PLCG2: variants seen among roughly 807,000 people sequenced by gnomAD.
PLCG2 encodes phospholipase C gamma 2, also known as 1-phosphatidylinositol 4,5-bisphosphate phosphodiesterase gamma-2.
Under a neutral mutation model 175.6 loss-of-function variants are expected in PLCG2, and 69 were observed. The ratio of observed to expected loss-of-function variants is 0.39; its 90% confidence interval spans 0.32 to 0.48. The LOEUF (loss-of-function observed/expected upper bound fraction) is 0.48. Among genes scored for constraint, PLCG2 ranks in the 20% least tolerant of loss-of-function variants. The probability of loss-of-function intolerance (pLI) is 0.91; values close to 1 mark genes in which losing one functional copy is unlikely to be tolerated. For synonymous variants in PLCG2, 827 were observed against 624.0 expected (o/e 1.33, Z -4.85); for missense variants, 1,798 against 1,650.9 (o/e 1.09, Z -1.54).
Position 81,753,342 on chromosome 16 carries a change from GTTTT to G in PLCG2, c.-144-2507_-144-2504del, listed in dbSNP as rs34438350. On this transcript the variant is annotated intron_variant, in intron 1 of 5. Transcript: ENST00000565054. ...CAGCATTGTGTTAAAGTCCTGGCAG[GTTTT>G]TTTTTTTTTTTTTTTTTTTTGTATT... Among the ~76,000 whole-genome samples, 19 of 91,124 alleles carry G rather than the reference GTTTT, an allele frequency of 2.1e-4. No homozygotes were observed. The East Asian group carries it at 2.8e-3, about 13-fold the overall frequency. The allele number at this position is 91,124 out of a possible 152,430, so 59.8% of individuals were successfully genotyped here.
Position 81,815,119 on chromosome 16 carries a change from TG to T in PLCG2, c.193+28941del, listed in dbSNP as rs543503558. Among the ~76,000 whole-genome samples, 5 of 152,272 alleles carry T rather than the reference TG, an allele frequency of 3.3e-5. No homozygotes were observed. The South Asian group carries it at 8.3e-4, about 25-fold the overall frequency. On this transcript the variant is annotated intron_variant, in intron 2 of 32. Transcript: ENST00000564138. ...CCTGAGTTATGGAAGGAATGATAAT[TG>T]GGGAATTTAGGCTTAAAATGAAGCA...
intron 1 of PLCG2, among the ~76,000 whole-genome samples, chr16:81,755,089 A>G (rs970220472): frequency 5.9e-5 from 9 of 152,276 alleles, no homozygotes; most frequent in African/African-American, 1.4e-4. Context: ...CAGATGAGAT[A>G]AAAGATGAGT....
intron 2 of PLCG2, among the ~76,000 whole-genome samples, chr16:81,821,941 A>T (rs1904819326): frequency 1.3e-5 from 2 of 151,610 alleles, no homozygotes; most frequent in Admixed American, 1.3e-4. Context: ...CAGATCCACC[A>T]TTTGCAGGCT....
chr16:81,842,562 GAA>G (rs1424901826), intron 2 of PLCG2, among the ~76,000 whole-genome samples: 1 of 152,140 alleles, frequency 6.6e-6, no homozygotes, highest in African/African-American at 2.4e-5. Context: ...TTGCTCGCTT[GAA>G]TATGTCTTGA....
chr16:81,864,994 G>C (rs550189118), intron 5 of PLCG2, among the ~76,000 whole-genome samples: 2 of 152,258 alleles, frequency 1.3e-5, no homozygotes, highest in African/African-American at 4.8e-5. Context: ...CATGATCTGA[G>C]ACGCAGGTTT....
chr16:81,926,006 C>A (rs76527541), intron 22 of PLCG2, among the ~76,000 whole-genome samples: 4,295 of 152,116 alleles, frequency 0.028, 73 homozygotes, highest in Non-Finnish European at 0.043. Context: ...GCCAGGGGAC[C>A]ACAGAGGAAG....
intron 22 of PLCG2, among the ~76,000 whole-genome samples, chr16:81,925,904 A>AAT (rs1159601951): frequency 2.5e-4 from 38 of 152,032 alleles, no homozygotes; most frequent in African/African-American, 8.5e-4. Context: ...AAAAAAAAAA[A>AAT]TCCAGAAGGA....
rs184218091 is a variant in PLCG2 at position 81,910,801 on chromosome 16, G to T, written c.1934+81G>T. Reference sequence around the variant, plus strand: ...GCAGAGAAGCTGGCCTGGTGGTTCAGCCGGGCCAGTCCCCCAGGACACCCT... The same window carrying T: ...GCAGAGAAGCTGGCCTGGTGGTTCATCCGGGCCAGTCCCCCAGGACACCCT... On this transcript the variant is annotated intron_variant, in intron 18 of 32. Coordinates refer to ENST00000564138, the MANE Select transcript of PLCG2 (RefSeq NM_002661.5). The T allele has an allele frequency of 3.2e-4, 423 of 1,333,718 alleles. No homozygotes were observed. The African/African-American group carries it at 5.3e-3, about 17-fold the overall frequency. 82.6% of individuals were successfully genotyped at this position (1,333,718 alleles called of 1,614,324 possible). A position where few individuals can be genotyped will look rare whatever the true frequency, so the allele number is the denominator to read the frequency against.
intron 1 of PLCG2, among the ~76,000 whole-genome samples, chr16:81,780,125 T>C (rs909699338): frequency 2.6e-5 from 4 of 152,054 alleles, no homozygotes; most frequent in Non-Finnish European, 5.9e-5. Context: ...TACCCTAATC[T>C]TGAACTAGGG....
At chr16:81,843,485 T>A (rs977383304) in intron 2 of PLCG2, among the ~76,000 whole-genome samples, 2 of 152,170 alleles carry the variant, frequency 1.3e-5, no homozygotes, top group African/African-American at 4.8e-5. Flanking sequence ...ACCAACTGAT[T>A]GAAACACCCC....
At chr16:81,786,460 G>T (rs1020296647) in intron 2 of PLCG2, among the ~76,000 whole-genome samples, 1 of 152,204 alleles carries the variant, frequency 6.6e-6, no homozygotes, top group Admixed American at 6.5e-5. Flanking sequence ...TGGTGGTTCT[G>T]TGCCCTGTCT....
chr16:81,869,825 C>G (rs1480859733), intron 6 of PLCG2, among the ~76,000 whole-genome samples: 1 of 152,088 alleles, frequency 6.6e-6, no homozygotes, highest in Non-Finnish European at 1.5e-5. Context: ...GCAGTAAAGC[C>G]ACTCCATGAG....
intron 2 of PLCG2, among the ~76,000 whole-genome samples, chr16:81,796,128 G>A (rs1054100707): frequency 6.6e-6 from 1 of 152,234 alleles, no homozygotes; most frequent in Non-Finnish European, 1.5e-5. Context: ...TGCATGGAAA[G>A]GGAAGTGGTG....
chr16:81,948,755 G>C (rs1322070671), intron 31 of PLCG2, among the ~76,000 whole-genome samples: 1 of 152,186 alleles, frequency 6.6e-6, no homozygotes, highest in African/African-American at 2.4e-5. Flanking sequence ...TTTGCCTAAT[G>C]CTGGCTCCAA....
intron 2 of PLCG2, among the ~76,000 whole-genome samples, chr16:81,787,192 G>A (rs1256260345): frequency 6.6e-6 from 1 of 151,296 alleles, no homozygotes; most frequent in Non-Finnish European, 1.5e-5. Flanking sequence ...ATTATTCGAA[G>A]TGACTATCAT....
At position 81,962,630 on chromosome 16, in the gene PLCG2, G is replaced by C. The variant is rs532755621; in HGVS notation, c.*4632G>C. 3.6e-5 allele frequency: 8 copies of C among 222,636 alleles called. No homozygotes were observed. The South Asian group carries it at 1.5e-3, about 41-fold the overall frequency. 13.8% of individuals were successfully genotyped at this position (222,636 alleles called of 1,614,324 possible). A position where few individuals can be genotyped will look rare whatever the true frequency, so the allele number is the denominator to read the frequency against. On this transcript the variant is annotated 3_prime_UTR_variant, in exon 33 of 33. Coordinates refer to ENST00000564138, the MANE Select transcript of PLCG2 (RefSeq NM_002661.5). Reference sequence around the variant, plus strand: ...CACACAGATGTTGGCTGTTGTTAATGTGAAAATTAAACAGCTGTATCACAT... The same window carrying C: ...CACACAGATGTTGGCTGTTGTTAATCTGAAAATTAAACAGCTGTATCACAT...
At chr16:81,797,665 C>G (rs1396945577) in intron 2 of PLCG2, among the ~76,000 whole-genome samples, 1 of 152,200 alleles carries the variant, frequency 6.6e-6, no homozygotes, top group Admixed American at 6.5e-5. Flanking sequence ...CTCGGACTTC[C>G]GGTTTCTTCC....
intron 5 of PLCG2, among the ~76,000 whole-genome samples, chr16:81,868,838 G>T (rs1258280733): frequency 6.6e-6 from 1 of 152,208 alleles, no homozygotes; most frequent in Non-Finnish European, 1.5e-5. Flanking sequence ...CCTTCTCACT[G>T]GGACATCACC....
intron 1 of PLCG2, among the ~76,000 whole-genome samples, chr16:81,782,675 C>G (rs956933727): frequency 6.6e-6 from 1 of 152,200 alleles, no homozygotes; most frequent in South Asian, 2.1e-4. Context: ...GAACCCCAAA[C>G]CAGAAATCAA....
Sources: allele counts gnomAD v4.1 joint callset (sites outside exome capture counted in the v4.1 genomes callset), GRCh38; gene constraint gnomAD v4.1.1; transcripts MANE v1.5; gene names NCBI Gene and HGNC (gene_info 2026-07-23, HGNC 2026-07-21).